Variants in TMC1 observed in about 807,000 individuals in gnomAD.
TMC1 encodes transmembrane channel-like protein 1.
A neutral mutation model predicts 105.8 loss-of-function variants in TMC1; 84 were observed. The ratio of observed to expected loss-of-function variants is 0.79; its 90% CI spans 0.67 to 0.95. The LOEUF (loss-of-function observed/expected upper bound fraction) is 0.95. Ranked by LOEUF, TMC1 falls within the 40% of genes least tolerant of loss-of-function variation. TMC1 has a pLI of 0.00. For missense variants in TMC1, 817 were observed against 914.1 expected (o/e 0.89, Z 1.37); for synonymous variants, 315 against 311.5 (o/e 1.01, Z -0.12).
Position 72,582,521 on chromosome 9 carries a change from G to C in TMC1, c.-306+4498G>C, listed in dbSNP as rs901893895. Among the ~76,000 whole-genome samples the C allele has an allele frequency of 1.1e-4, 17 of 152,212 alleles. 1 individual carries two copies. Among genetic ancestry groups the C allele is most frequent in the African/African-American group, 4.1e-4 (17 of 41,534 alleles). On this transcript the variant is annotated intron_variant, in intron 2 of 23. Transcript: ENST00000297784. ...TACTTCTCAAAGTGAGATTCACATAGCCCCCTTGGAAGCTTTCAAATAGAT... is the reference window on the plus strand; with the variant it reads ...TACTTCTCAAAGTGAGATTCACATACCCCCCTTGGAAGCTTTCAAATAGAT...
intron 5 of TMC1, among the ~76,000 whole-genome samples, chr9:72,686,583 A>T (rs867213325): frequency 6.6e-6 from 1 of 152,222 alleles, no homozygotes; most frequent in Non-Finnish European, 1.5e-5. Flanking sequence ...TCCTGGTCAT[A>T]GTGCTGCTAT....
chr9:72,794,233 C>A (rs1325910253), intron 17 of TMC1, among the ~76,000 whole-genome samples: 2 of 152,128 alleles, frequency 1.3e-5, no homozygotes, highest in Non-Finnish European at 2.9e-5. Flanking sequence ...TGGCCATAAC[C>A]ATGCCAAGGT....
intron 4 of TMC1, among the ~76,000 whole-genome samples, 153 bp from the exon 5 acceptor site, chr9:72,648,444 A>G (rs999031674): frequency 2.6e-5 from 4 of 152,176 alleles, no homozygotes; most frequent in Non-Finnish European, 5.9e-5. Flanking sequence ...TTAAATGGCA[A>G]ACTAAACATT....
chr9:72,632,718 C>CA (rs557647096), intron 4 of TMC1, among the ~76,000 whole-genome samples: 1,962 of 149,276 alleles, frequency 0.013, 37 homozygotes, highest in African/African-American at 0.042. Flanking sequence ...GAATTGAAAA[C>CA]AAAAAAAAAT....
intron 4 of TMC1, among the ~76,000 whole-genome samples, chr9:72,628,957 T>G (rs1006023355): frequency 1.3e-5 from 2 of 152,018 alleles, no homozygotes; most frequent in African/African-American, 4.8e-5. Context: ...TAAGAATCAG[T>G]TTTTTTTAAA....
intron 2 of TMC1, among the ~76,000 whole-genome samples, chr9:72,593,991 G>A (rs574275534): frequency 7.2e-5 from 11 of 152,296 alleles, no homozygotes; most frequent in African/African-American, 2.6e-4. Flanking sequence ...GGAGAGGTAT[G>A]AGAGTATACT....
In TMC1 at chr9:72,648,446, C is replaced by G. The variant is rs1825749878; in HGVS notation, c.-52-151C>G. ...AGTACTCCGTCCCTTAAATGGCAAA[C>G]TAAACATTCGTGAAAATTTAATGGT... is the stretch of plus-strand genomic sequence containing the variant. On this transcript the variant is annotated intron_variant, in intron 4 of 23. Coordinates refer to ENST00000297784, the MANE Select transcript of TMC1 (RefSeq NM_138691.3). 3.3e-5 allele frequency among the ~76,000 whole-genome samples: 5 copies of G among 152,242 alleles called. No homozygotes were observed. In the South Asian group the frequency reaches 1.0e-3, roughly 32 times the overall value.
chr9:72,771,759 A>C (rs916818635), intron 12 of TMC1, among the ~76,000 whole-genome samples: 2 of 152,196 alleles, frequency 1.3e-5, no homozygotes, highest in Non-Finnish European at 2.9e-5. Flanking sequence ...TCTGAGAATA[A>C]AGAGGGAGTT....
intron 2 of TMC1, among the ~76,000 whole-genome samples, chr9:72,595,072 A>G (rs753233402): frequency 1.3e-5 from 2 of 151,614 alleles, no homozygotes; most frequent in African/African-American, 4.8e-5. Context: ...CTTTATGTTG[A>G]CCAGGCTAGT....
chr9:72,821,099 T>C lies in TMC1; in HGVS notation c.2003+18T>C, dbSNP rs770437209. 6.2e-7 allele frequency: 1 copy of C among 1,614,154 alleles called. No individual in the cohort carries two copies. The highest frequency in any genetic ancestry group is 1.1e-5 in the South Asian group (1 of 91,074). On this transcript the variant is annotated intron_variant, in intron 20 of 23. Transcript: ENST00000297784. ...CCATTCAGGTCTCTTGCTTTTGAAA[T>C]TTGACTCAGGCATCGTGTTCTTTCG...
At chr9:72,804,914 A>G (rs1383401809) in intron 17 of TMC1, among the ~76,000 whole-genome samples, 2 of 152,122 alleles carry the variant, frequency 1.3e-5, no homozygotes, top group Non-Finnish European at 2.9e-5. Context: ...GTGAATTTTT[A>G]ATTTGTGACT....
intron 2 of TMC1, among the ~76,000 whole-genome samples, chr9:72,599,431 A>G (rs1039771928): frequency 6.6e-6 from 1 of 152,204 alleles, no homozygotes; most frequent in African/African-American, 2.4e-5. Context: ...AAAATCTCCC[A>G]AAAGACCTGG....
At chr9:72,637,700 C>T (rs1490195904) in intron 4 of TMC1, among the ~76,000 whole-genome samples, 5 of 152,128 alleles carry the variant, frequency 3.3e-5, no homozygotes, top group African/African-American at 7.2e-5. Flanking sequence ...GTAATTCAGA[C>T]ATGTGTTTTG....
At chr9:72,806,760 G>A (rs1001098510) in intron 18 of TMC1, among the ~76,000 whole-genome samples, 2 of 151,536 alleles carry the variant, frequency 1.3e-5, no homozygotes, top group African/African-American at 4.9e-5. Context: ...GCCGGGCGGA[G>A]ACGCTCCTCA....
intron 2 of TMC1, among the ~76,000 whole-genome samples, chr9:72,601,441 C>G (rs1824814672): frequency 6.6e-6 from 1 of 152,042 alleles, no homozygotes; most frequent in African/African-American, 2.4e-5. Context: ...GTCAGGAGTT[C>G]AAGACCAGCC....
At chr9:72,591,209 G>A (rs1476933987) in intron 2 of TMC1, among the ~76,000 whole-genome samples, 1 of 152,092 alleles carries the variant, frequency 6.6e-6, no homozygotes, top group East Asian at 1.9e-4. Context: ...AAGTAGAGGT[G>A]GCACCTCTAC....
chr9:72,716,417 T>A (rs1476389290), intron 8 of TMC1, among the ~76,000 whole-genome samples: 1 of 152,054 alleles, frequency 6.6e-6, no homozygotes, highest in Non-Finnish European at 1.5e-5. Flanking sequence ...TACCTATGAG[T>A]CCCTGACTGG....
intron 8 of TMC1, among the ~76,000 whole-genome samples, chr9:72,728,613 A>G (rs200348188): frequency 6.6e-6 from 1 of 151,962 alleles, no homozygotes; most frequent in Admixed American, 6.6e-5. Context: ...TACCCTCCAA[A>G]TTGTCTCTAC....
At chr9:72,527,719 G>A (rs6560283) in intron 1 of TMC1, among the ~76,000 whole-genome samples, 10,380 of 152,226 alleles carry the variant, frequency 0.068, 661 homozygotes, top group African/African-American at 0.17. Flanking sequence ...TTGTAGGAGA[G>A]CTGATTGTTC....
Sources: gnomAD v4.1 joint callset for allele counts (sites outside exome capture counted in the v4.1 genomes callset) on GRCh38, gnomAD v4.1.1 for gene constraint, MANE v1.5 for transcripts, NCBI Gene and HGNC (gene_info 2026-07-23, HGNC 2026-07-21) for gene names.